Variants in GAB1 observed in about 807,000 individuals in gnomAD.
The protein encoded by GAB1 is GRB2 associated binding protein 1.
Under a neutral mutation model 66.5 loss-of-function variants are expected in GAB1, and 19 were observed. The observed-to-expected ratio is 0.29, with a 90% CI of 0.20 to 0.42. The LOEUF is 0.42. Among genes scored for constraint, GAB1 ranks in the 10% least tolerant of loss-of-function variants. GAB1 has a pLI of 1.00. For synonymous variants in GAB1, 294 were observed against 301.4 expected, an observed-to-expected ratio of 0.98 and a Z score of 0.25; for missense variants, 732 against 858.5, an observed-to-expected ratio of 0.85 and a Z score of 1.84.
intron 8 of GAB1, among the ~76,000 whole-genome samples, chr4:143,463,918 T>C (rs1012407689): frequency 6.6e-6 from 1 of 152,230 alleles, no homozygotes; most frequent in South Asian, 2.1e-4. Flanking sequence ...GAGCAACTTA[T>C]TGGTATTATG....
chr4:143,349,182 A>G, intron 1 of GAB1: 1 of 489,788 alleles, frequency 2.0e-6, no homozygotes, highest in South Asian at 3.5e-5. Context: ...AGATTAAAAT[A>G]TTCTAACCTG....
At chr4:143,392,601 G>T (rs1448913503) in intron 1 of GAB1, among the ~76,000 whole-genome samples, 1 of 152,028 alleles carries the variant, frequency 6.6e-6, no homozygotes, top group Non-Finnish European at 1.5e-5. Context: ...AAAGAATATG[G>T]GTTGATGACA....
rs1732644963 is a variant in GAB1, at chr4:143,415,763, C to T, written c.359C>T (p.Thr120Ile). 16 of 1,600,452 alleles carry T rather than the reference C, an allele frequency of 1.0e-5. No individual in the cohort carries two copies. Among genetic ancestry groups the T allele is most frequent in the Non-Finnish European group, 1.4e-5 (16 of 1,171,616 alleles). ...TGTGACATCTGTGGGTTTAATCCAA[C>T]AGAAGAAGGTAAGTTCAAGATATTA... ...CICDICGFNP[T>I]EEDPVKPPGS... The change falls in exon 2 of 10, where the codon ACA (threonine) becomes ATA (isoleucine). Residue 120 changes from threonine (T) to isoleucine (I), a missense_variant. Physicochemically the swap from Thr to Ile is moderately conservative, Grantham distance 89 (BLOSUM62 -1). Around this residue, in one of 4 missense-constraint regions of GAB1, gnomAD observed 66 missense variants for 130.3 expected, o/e 0.51. Transcript: ENST00000262994.
At chr4:143,354,921 G>C (rs892668541) in intron 1 of GAB1, among the ~76,000 whole-genome samples, 2 of 152,174 alleles carry the variant, frequency 1.3e-5, no homozygotes, top group East Asian at 3.8e-4. Flanking sequence ...AGAAGCCCAT[G>C]CTTTTACTAA....
Position 143,415,474 on chromosome 4 carries a change from T to C in GAB1, c.73-3T>C, listed in dbSNP as rs767381635. The C allele has an allele frequency of 1.1e-5, 18 of 1,589,138 alleles. No individual in the cohort carries two copies. The East Asian group carries it at 3.4e-4, about 30-fold the overall frequency. ...TGAATGGATATTTTTGTTTTGTTTC[T>C]AGGCATGGAAGAGGAGATGGTTCGT... On this transcript the variant is annotated splice_region_variant and splice_polypyrimidine_tract_variant and intron_variant, in intron 1 of 9. Coordinates refer to ENST00000262994, the MANE Select transcript of GAB1 (RefSeq NM_002039.4).
intron 1 of GAB1, among the ~76,000 whole-genome samples, chr4:143,373,566 C>T (rs960822248): frequency 1.4e-4 from 21 of 152,236 alleles, no homozygotes; most frequent in African/African-American, 4.6e-4. Flanking sequence ...TGGTGGCTCA[C>T]GCCTATAACC....
At chr4:143,337,370 T>A in intron 1 of GAB1, 110 bp downstream of exon 1, 1 of 898,260 alleles carries the variant, frequency 1.1e-6, no homozygotes, top group Non-Finnish European at 1.8e-6. Flanking sequence ...CTTAAACGAA[T>A]GCCGGTCTCT....
chr4:143,442,172 TA>T, intron 6 of GAB1, among the ~76,000 whole-genome samples: 2 of 152,376 alleles, frequency 1.3e-5, no homozygotes, highest in South Asian at 4.1e-4. Context: ...AGGATTGAGA[TA>T]TAAGTGTCAT....
At chr4:143,378,673 C>CTCT (rs1730524488) in intron 1 of GAB1, among the ~76,000 whole-genome samples, 3 of 129,226 alleles carry the variant, frequency 2.3e-5, no homozygotes, top group Non-Finnish European at 3.4e-5. Context: ...CTCTCTCTCT[C>CTCT]GTTTTTCTAG....
At chr4:143,337,739 G>A (rs1460856982) in intron 1 of GAB1, among the ~76,000 whole-genome samples, 1 of 152,196 alleles carries the variant, frequency 6.6e-6, no homozygotes, top group Non-Finnish European at 1.5e-5. Context: ...CTCGAGATGG[G>A]TTGCGGGAAG....
intron 1 of GAB1, among the ~76,000 whole-genome samples, chr4:143,360,530 G>GC (rs1407045040): frequency 6.6e-6 from 1 of 152,066 alleles, no homozygotes; most frequent in Non-Finnish European, 1.5e-5. Flanking sequence ...ATCCTACTTG[G>GC]ACACTACAAA....
rs1236400701 is a variant in GAB1, at chr4:143,470,411, C to T, written c.*1222C>T. 2 of 152,082 alleles carry T rather than the reference C, an allele frequency of 1.3e-5. No homozygotes were observed. The highest frequency in any genetic ancestry group is 2.9e-5 in the Non-Finnish European group (2 of 68,000). 9.4% of individuals were successfully genotyped at this position (152,082 alleles called of 1,614,324 possible). On this transcript the variant is annotated 3_prime_UTR_variant, in exon 10 of 10. Transcript: ENST00000262994. ...GTGATTTATATTCACTGCCCCAATT[C>T]AAGAAATATTGGAGCCTTGCTACAA...
intron 1 of GAB1, among the ~76,000 whole-genome samples, chr4:143,377,932 T>G (rs546126830): frequency 1.1e-4 from 16 of 152,202 alleles, no homozygotes; most frequent in Non-Finnish European, 1.8e-4. Context: ...CCCTTTTAGG[T>G]CTGTTGAATG....
chr4:143,395,732 A>G (rs1731414996), intron 1 of GAB1: 3 of 335,854 alleles, frequency 8.9e-6, no homozygotes, highest in African/African-American at 6.6e-5. Flanking sequence ...GTTCTTTTAA[A>G]TGAGGTGAAT....
At chr4:143,365,407 G>A (rs1729842040) in intron 1 of GAB1, among the ~76,000 whole-genome samples, 3 of 152,276 alleles carry the variant, frequency 2.0e-5, no homozygotes, top group Non-Finnish European at 4.4e-5. Flanking sequence ...CCATGTCAAT[G>A]TTGGTCTCTA....
At position 143,437,883 on chromosome 4, in the gene GAB1, C is replaced by G; in HGVS notation, c.594-116C>G. On this transcript the variant is annotated intron_variant, in intron 3 of 9. Transcript: ENST00000262994. ...TGTGCTTTAAATCCTATGGATCACACAAAAAATCTAATGAGAAAAGCCCTA... is the reference window on the plus strand; with the variant it reads ...TGTGCTTTAAATCCTATGGATCACAGAAAAAATCTAATGAGAAAAGCCCTA... The G allele has an allele frequency of 2.9e-6, 3 of 1,038,984 alleles. No individual in the cohort carries two copies. In the East Asian group the frequency reaches 7.5e-5, roughly 26 times the overall value. 64.4% of individuals were successfully genotyped at this position (1,038,984 alleles called of 1,614,324 possible).
chr4:143,455,476 C>T (rs1735136700), intron 6 of GAB1, among the ~76,000 whole-genome samples: 1 of 152,028 alleles, frequency 6.6e-6, no homozygotes, highest in Admixed American at 6.6e-5. Flanking sequence ...AAAGAGTGAC[C>T]ACTGGGAGAT....
intron 6 of GAB1, among the ~76,000 whole-genome samples, chr4:143,446,079 T>C (rs1413119333): frequency 2.0e-5 from 3 of 152,154 alleles, no homozygotes; most frequent in Non-Finnish European, 2.9e-5. Context: ...TTACTGAGAA[T>C]GATGATTTCC....
intron 1 of GAB1, among the ~76,000 whole-genome samples, chr4:143,351,401 A>C (rs1027623148): frequency 6.6e-6 from 1 of 152,144 alleles, no homozygotes; most frequent in South Asian, 2.1e-4. Flanking sequence ...CGGCCAGTCG[A>C]TGGTCAGCTT....
Sources: gnomAD v4.1 joint callset for allele counts (sites outside exome capture counted in the v4.1 genomes callset) on GRCh38, gnomAD v4.1.1 for gene constraint, gnomAD v4.1.1 regional missense constraint, MANE v1.5 for transcripts, NCBI Gene and HGNC (gene_info 2026-07-23, HGNC 2026-07-21) for gene names.